The following ARHGAP42 variants were observed in gnomAD, a reference collection of about 807,000 sequenced individuals.
The protein encoded by ARHGAP42 is Rho GTPase activating protein 42.
A neutral mutation model predicts 125.0 loss-of-function variants in ARHGAP42; 63 were observed. The ratio of observed to expected loss-of-function variants is 0.50; its 90% CI spans 0.41 to 0.62. ARHGAP42 has a LOEUF of 0.62. Among genes scored for constraint, ARHGAP42 ranks in the 20% least tolerant of loss-of-function variants. ARHGAP42 has a pLI of 0.00. For missense variants in ARHGAP42, 766 were observed against 1,024.2 expected, an observed-to-expected ratio of 0.75 and a Z score of 3.44; for synonymous variants, 339 against 351.0, an observed-to-expected ratio of 0.97 and a Z score of 0.38.
In ARHGAP42 at chr11:100,992,765, T is replaced by C; in HGVS notation, c.*3964T>C. 1 of 1,464,592 alleles carries C rather than the reference T, an allele frequency of 6.8e-7. No homozygotes were observed. Among genetic ancestry groups the C allele is most frequent in the Non-Finnish European group, 9.2e-7 (1 of 1,087,246 alleles). The allele number at this position is 1,464,592 out of a possible 1,614,324, so 90.7% of individuals were successfully genotyped here. A position where few individuals can be genotyped will look rare whatever the true frequency, so the allele number is the denominator to read the frequency against. Reference sequence around the variant, plus strand: ...ATTTTTTGAGGGCAGCTGCCCTCACTGTTTTAAATAAAGAATCTTACATAA... The same window carrying C: ...ATTTTTTGAGGGCAGCTGCCCTCACCGTTTTAAATAAAGAATCTTACATAA... On this transcript the variant is annotated 3_prime_UTR_variant, in exon 24 of 24. Transcript: ENST00000298815.
At chr11:100,842,236 A>G (rs1864961016) in intron 3 of ARHGAP42, among the ~76,000 whole-genome samples, 1 of 152,152 alleles carries the variant, frequency 6.6e-6, no homozygotes, top group South Asian at 2.1e-4. Context: ...TCCTACATTC[A>G]CCATCGTCTA....
intron 7 of ARHGAP42, among the ~76,000 whole-genome samples, chr11:100,935,957 C>G (rs919943724): frequency 1.3e-5 from 2 of 151,908 alleles, no homozygotes; most frequent in African/African-American, 4.8e-5. Flanking sequence ...CATGTAAGAC[C>G]CCATCTCTAC....
chr11:100,860,852 A>G (rs1047049823), intron 4 of ARHGAP42, among the ~76,000 whole-genome samples: 2 of 152,226 alleles, frequency 1.3e-5, no homozygotes, highest in African/African-American at 4.8e-5. Context: ...CGAGTGAAGG[A>G]CTAAAATCAG....
chr11:100,837,684 T>TTTTTTTTTTTTTTG (rs1864836456), intron 3 of ARHGAP42, among the ~76,000 whole-genome samples: 1 of 138,410 alleles, frequency 7.2e-6, no homozygotes, highest in African/African-American at 2.7e-5. Flanking sequence ...TTTTTTTTTT[T>TTTTTTTTTTTTTTG]TTTTTTTTTT....
At chr11:100,873,285 A>AT (rs1298353539) in intron 4 of ARHGAP42, among the ~76,000 whole-genome samples, 18 of 152,332 alleles carry the variant, frequency 1.2e-4, no homozygotes, top group African/African-American at 3.8e-4. Flanking sequence ...AATGAACCGC[A>AT]TTAAGAAATA....
chr11:100,944,572 A>G (rs1867967723), intron 10 of ARHGAP42, among the ~76,000 whole-genome samples: 1 of 151,958 alleles, frequency 6.6e-6, no homozygotes, highest in Admixed American at 6.6e-5. Context: ...CTATAGCTAC[A>G]GGCATACCTC....
chr11:100,801,575 T>G (rs2135043824), intron 3 of ARHGAP42, among the ~76,000 whole-genome samples: 1 of 152,362 alleles, frequency 6.6e-6, no homozygotes, highest in Middle Eastern at 3.4e-3. Context: ...TGTCTCCTTC[T>G]AACTTTAAAT....
chr11:100,988,999 G>A lies in ARHGAP42; in HGVS notation c.*198G>A. 1 of 484,078 alleles carries A rather than the reference G, an allele frequency of 2.1e-6. No individual in the cohort carries two copies. The highest frequency in any genetic ancestry group is 1.9e-5 in the African/African-American group (1 of 52,512). 30.0% of individuals were successfully genotyped at this position (484,078 alleles called of 1,614,324 possible). On this transcript the variant is annotated 3_prime_UTR_variant, in exon 24 of 24. Transcript: ENST00000298815. ...AATTGTTGGCCATTCTTTTTTGGTTGGTTTCTTATTTTAAAATATCTTACT... is the reference window on the plus strand; with the variant it reads ...AATTGTTGGCCATTCTTTTTTGGTTAGTTTCTTATTTTAAAATATCTTACT...
chr11:100,948,092 G>C (rs1422053621), intron 10 of ARHGAP42, among the ~76,000 whole-genome samples: 2 of 151,918 alleles, frequency 1.3e-5, no homozygotes, highest in Non-Finnish European at 2.9e-5. Context: ...CCACATCAGG[G>C]TCAAGTTCTC....
Position 100,992,188 on chromosome 11 carries a change from T to G in ARHGAP42, c.*3387T>G. 8.8e-7 allele frequency: 1 copy of G among 1,135,680 alleles called. No homozygotes were observed. The highest frequency in any genetic ancestry group is 1.2e-6 in the Non-Finnish European group (1 of 814,406). The allele number at this position is 1,135,680 out of a possible 1,614,324, so 70.4% of individuals were successfully genotyped here. Reference sequence around the variant, plus strand: ...CCTTAAATCATGTATTCAGGATGCCTTCTTTAGCATTTAGAACCCCAACTA... The same window carrying G: ...CCTTAAATCATGTATTCAGGATGCCGTCTTTAGCATTTAGAACCCCAACTA... On this transcript the variant is annotated 3_prime_UTR_variant, in exon 24 of 24. Transcript: ENST00000298815.
chr11:100,796,250 A>G (rs191234478), intron 3 of ARHGAP42, among the ~76,000 whole-genome samples: 1 of 152,248 alleles, frequency 6.6e-6, no homozygotes, highest in Admixed American at 6.5e-5. Flanking sequence ...GGTTACTATT[A>G]GGACTTTTTT....
At chr11:100,918,785 G>A (rs757082231) in intron 5 of ARHGAP42, among the ~76,000 whole-genome samples, 2 of 152,128 alleles carry the variant, frequency 1.3e-5, no homozygotes, top group Non-Finnish European at 2.9e-5. Flanking sequence ...CGCATTGGAG[G>A]CTATGAAAAC....
chr11:100,770,192 T>G, intron 1 of ARHGAP42, 151 bp from the exon 2 acceptor site: 1 of 576,426 alleles, frequency 1.7e-6, no homozygotes, highest in South Asian at 2.9e-5. Context: ...ACTGGTATTT[T>G]AAAGGATTCT....
At chr11:100,926,983 G>C (rs115528197) in intron 6 of ARHGAP42, among the ~76,000 whole-genome samples, 2,121 of 152,208 alleles carry the variant, frequency 0.014, 52 homozygotes, top group African/African-American at 0.048. Flanking sequence ...AATGTTTAAA[G>C]TTAATGCAGA....
intron 1 of ARHGAP42, among the ~76,000 whole-genome samples, chr11:100,764,882 A>G (rs1390307380): frequency 6.6e-6 from 1 of 152,172 alleles, no homozygotes; most frequent in African/African-American, 2.4e-5. Flanking sequence ...CAAATCAGTG[A>G]GATAAAGGTG....
chr11:100,862,258 G>T (rs1380336249), intron 4 of ARHGAP42, among the ~76,000 whole-genome samples: 1 of 152,126 alleles, frequency 6.6e-6, no homozygotes, highest in African/African-American at 2.4e-5. Context: ...TTCCCCAGAT[G>T]AAGCCATTTT....
intron 19 of ARHGAP42, 103 bp downstream of exon 19, chr11:100,974,706 G>A (rs1858344050): frequency 8.3e-7 from 1 of 1,210,904 alleles, no homozygotes; most frequent in African/African-American, 1.5e-5. Flanking sequence ...TCTCACTGAT[G>A]CTCTTTCCCC....
At chr11:100,962,338 G>A in intron 15 of ARHGAP42, 71 bp from the exon 16 acceptor site, 1 of 1,220,320 alleles carries the variant, frequency 8.2e-7, no homozygotes, top group Non-Finnish European at 1.1e-6. Context: ...AATTCTTAAA[G>A]AAACACTTAA....
chr11:100,821,750 G>A (rs183212009), intron 3 of ARHGAP42, among the ~76,000 whole-genome samples: 1 of 152,080 alleles, frequency 6.6e-6, no homozygotes, highest in East Asian at 1.9e-4. Flanking sequence ...GTCGTATACT[G>A]TGTTTATATT....
Sources: allele counts gnomAD v4.1 joint callset (sites outside exome capture counted in the v4.1 genomes callset), GRCh38; gene constraint gnomAD v4.1.1; transcripts MANE v1.5; gene names NCBI Gene and HGNC (gene_info 2026-07-23, HGNC 2026-07-21).